The following GAB2 variants were observed in gnomAD, a reference collection of about 807,000 sequenced individuals.
GAB2 encodes the protein GRB2 associated binding protein 2.
A neutral mutation model predicts 65.5 loss-of-function variants in GAB2; 26 were observed. That is an observed-to-expected ratio of 0.40 (90% confidence interval 0.29 to 0.55). The LOEUF (loss-of-function observed/expected upper bound fraction) is 0.55, where lower values mean the gene tolerates loss of function less well. Ranked by LOEUF, GAB2 falls within the 20% of genes least tolerant of loss-of-function variation. The pLI, the probability that GAB2 is intolerant of heterozygous loss-of-function variation, is 0.53. For synonymous variants in GAB2, 321 were observed against 329.6 expected (o/e 0.97, Z 0.28); for missense variants, 884 against 875.8 (o/e 1.01, Z -0.12).
chr11:78,296,768 G>A (rs1254632352), intron 1 of GAB2, among the ~76,000 whole-genome samples: 1 of 152,134 alleles, frequency 6.6e-6, no homozygotes, highest in Non-Finnish European at 1.5e-5. Context: ...GTCTGTTCAG[G>A]CTGGTAAAAC....
At chr11:78,311,663 A>G (rs1855501762) in intron 1 of GAB2, among the ~76,000 whole-genome samples, 1 of 152,232 alleles carries the variant, frequency 6.6e-6, no homozygotes, top group Admixed American at 6.5e-5. Context: ...TGGTGTTGGT[A>G]CTGCTTATTA....
chr11:78,361,281 C>T (rs998556403), intron 1 of GAB2, among the ~76,000 whole-genome samples: 2 of 152,048 alleles, frequency 1.3e-5, no homozygotes, highest in East Asian at 3.9e-4. Flanking sequence ...TCTTTTATAG[C>T]CTATAAGAGG....
chr11:78,308,605 G>A (rs1445901056), intron 1 of GAB2, among the ~76,000 whole-genome samples: 2 of 152,182 alleles, frequency 1.3e-5, no homozygotes, highest in East Asian at 3.8e-4. Flanking sequence ...CAAACACAAA[G>A]TTGAGAGAAG....
In GAB2 at chr11:78,223,649, C is replaced by T; in HGVS notation, c.1330G>A (p.Asp444Asn). ...TAGTTGTCTTCAGAATTGGTGCTGT[C>T]CGATCGGCCCACAATCATTTTCCCT... ...LPGKMIVGRS[D>N]STNSEDNYVP... Residue 444 changes from aspartate (D) to asparagine (N), a missense_variant, in exon 6 of 10, where the codon GAC becomes AAC. By Grantham distance (23) the Asp-to-Asn change is conservative. Coordinates refer to ENST00000361507, the MANE Select transcript of GAB2 (RefSeq NM_080491.3). 1 of 1,607,546 alleles carries T rather than the reference C, an allele frequency of 6.2e-7. No individual in the cohort carries two copies. The highest frequency in any genetic ancestry group is 8.5e-7 in the Non-Finnish European group (1 of 1,176,754).
chr11:78,370,596 C>G (rs1320333387), intron 1 of GAB2, among the ~76,000 whole-genome samples: 1 of 152,018 alleles, frequency 6.6e-6, no homozygotes, highest in East Asian at 1.9e-4. Context: ...GAAAGGAAAC[C>G]AAGGCTATAT....
At chr11:78,336,284 C>A (rs1299479506) in intron 1 of GAB2, among the ~76,000 whole-genome samples, 2 of 128,490 alleles carry the variant, frequency 1.6e-5, no homozygotes, top group African/African-American at 5.7e-5. Flanking sequence ...ACTGCACTCA[C>A]TGCACTCACT....
chr11:78,402,888 T>C (rs1416695934), intron 1 of GAB2, among the ~76,000 whole-genome samples: 1 of 152,176 alleles, frequency 6.6e-6, no homozygotes, highest in African/African-American at 2.4e-5. Flanking sequence ...ATCCCTAAAG[T>C]GACCGTATTA....
intron 1 of GAB2, among the ~76,000 whole-genome samples, chr11:78,292,806 T>C (rs1275864256): frequency 1.3e-5 from 2 of 152,252 alleles, no homozygotes; most frequent in Non-Finnish European, 2.9e-5. Context: ...AAAGTGTATT[T>C]GCTGAGCTCT....
chr11:78,310,859 G>A (rs1444518749), intron 1 of GAB2, among the ~76,000 whole-genome samples: 4 of 152,118 alleles, frequency 2.6e-5, no homozygotes, highest in African/African-American at 9.7e-5. Flanking sequence ...TTGTGGGTAT[G>A]TCCTACAGTT....
intron 1 of GAB2, among the ~76,000 whole-genome samples, chr11:78,322,830 A>C (rs1415648926): frequency 1.3e-5 from 2 of 151,560 alleles, no homozygotes; most frequent in East Asian, 3.9e-4. Flanking sequence ...CAGATGCTGG[A>C]GAGGCTGTGG....
intron 3 of GAB2, among the ~76,000 whole-genome samples, chr11:78,244,004 T>A (rs554725556): frequency 6.6e-6 from 1 of 151,830 alleles, no homozygotes; most frequent in African/African-American, 2.4e-5. Flanking sequence ...GAGATGGAAT[T>A]TGCAAAAAAA....
rs115171959 is a variant in GAB2, at chr11:78,338,112, G to C, written c.76-57211C>G. ...TGACTCTTCAGGAGAGCAGGATGAA[G>C]TGAATTATCTGTTACCATCACCATC... On this transcript the variant is annotated intron_variant, in intron 1 of 9. Transcript: ENST00000361507. 9.6e-3 allele frequency among the ~76,000 whole-genome samples: 1,462 copies of C among 152,352 alleles called. 15 individuals are homozygous for C. Among genetic ancestry groups the C allele is most frequent in the African/African-American group, 0.033 (1,374 of 41,576 alleles).
At chr11:78,315,101 T>TTA (rs1406084160) in intron 1 of GAB2, among the ~76,000 whole-genome samples, 1 of 152,164 alleles carries the variant, frequency 6.6e-6, no homozygotes, top group Non-Finnish European at 1.5e-5. Context: ...AGGAGCTAAT[T>TTA]GAGAGAGTAA....
At chr11:78,405,192 C>T (rs183684398) in intron 1 of GAB2, among the ~76,000 whole-genome samples, 7 of 150,762 alleles carry the variant, frequency 4.6e-5, no homozygotes, top group South Asian at 2.1e-4. Flanking sequence ...TCCACCTCCC[C>T]GGTTCACGCC....
At chr11:78,222,882 C>T (rs1289535421) in intron 6 of GAB2, among the ~76,000 whole-genome samples, 6 of 152,206 alleles carry the variant, frequency 3.9e-5, no homozygotes, top group African/African-American at 9.7e-5. Flanking sequence ...TGAGCCATGG[C>T]GCCCAGCCAA....
At chr11:78,228,625 C>A (rs1052702181) in intron 3 of GAB2, among the ~76,000 whole-genome samples, 1 of 152,114 alleles carries the variant, frequency 6.6e-6, no homozygotes, top group Non-Finnish European at 1.5e-5. Flanking sequence ...GTGTGTAAAG[C>A]CAGGCTTCCT....
intron 1 of GAB2, among the ~76,000 whole-genome samples, chr11:78,339,205 C>A (rs552000225): frequency 3.2e-4 from 49 of 152,276 alleles, no homozygotes; most frequent in South Asian, 8.3e-4. Context: ...AGATTACAGG[C>A]ATGAGCCACT....
chr11:78,312,369 T>G (rs897440841), intron 1 of GAB2, among the ~76,000 whole-genome samples: 5 of 152,114 alleles, frequency 3.3e-5, no homozygotes, highest in African/African-American at 1.2e-4. Context: ...ACTTTACATA[T>G]AAGAGTTCAT....
intron 1 of GAB2, among the ~76,000 whole-genome samples, chr11:78,342,781 A>G (rs865990664): frequency 6.6e-6 from 1 of 152,180 alleles, no homozygotes; most frequent in Non-Finnish European, 1.5e-5. Context: ...TTTGAGGCCC[A>G]GGTTCACATC....
Sources: gnomAD v4.1 joint callset for allele counts (sites outside exome capture counted in the v4.1 genomes callset) on GRCh38, gnomAD v4.1.1 for gene constraint, MANE v1.5 for transcripts, NCBI Gene and HGNC (gene_info 2026-07-23, HGNC 2026-07-21) for gene names.